The following ZDHHC14 variants were observed in gnomAD, a reference collection of about 807,000 sequenced individuals.
ZDHHC14 encodes the protein palmitoyltransferase ZDHHC14.
Under a neutral mutation model 47.7 loss-of-function variants are expected in ZDHHC14, and 16 were observed. The ratio of observed to expected loss-of-function variants is 0.34; its 90% CI spans 0.23 to 0.51. The LOEUF is 0.51. Ranked by LOEUF, ZDHHC14 falls within the 20% of genes least tolerant of loss-of-function variation. ZDHHC14 has a pLI of 0.97. For missense variants in ZDHHC14, 515 were observed against 662.5 expected (o/e 0.78, Z 2.44); for synonymous variants, 293 against 278.9 (o/e 1.05, Z -0.50).
chr6:157,417,120 G>T (rs139266370), intron 1 of ZDHHC14, among the ~76,000 whole-genome samples: 1 of 151,132 alleles, frequency 6.6e-6, no homozygotes, highest in East Asian at 1.9e-4. Context: ...GAGCCACCGC[G>T]CCTGGCTCAT....
At chr6:157,581,783 C>T (rs1210395994) in intron 2 of ZDHHC14, among the ~76,000 whole-genome samples, 1 of 152,072 alleles carries the variant, frequency 6.6e-6, no homozygotes, top group Non-Finnish European at 1.5e-5. Flanking sequence ...AGATTTTTCT[C>T]CATCACTTCA....
intron 1 of ZDHHC14, among the ~76,000 whole-genome samples, chr6:157,533,972 G>C (rs532592499): frequency 1.3e-5 from 2 of 152,280 alleles, no homozygotes; most frequent in African/African-American, 2.4e-5. Flanking sequence ...TGTGGTTAGG[G>C]AATATTATCT....
intron 2 of ZDHHC14, among the ~76,000 whole-genome samples, chr6:157,563,688 T>A (rs1206261028): frequency 6.6e-6 from 1 of 152,134 alleles, no homozygotes; most frequent in African/African-American, 2.4e-5. Context: ...CAGGACTAAG[T>A]GCGAACTAGG....
At chr6:157,610,958 C>T (rs1023962576) in intron 3 of ZDHHC14, among the ~76,000 whole-genome samples, 1 of 152,218 alleles carries the variant, frequency 6.6e-6, no homozygotes, top group Non-Finnish European at 1.5e-5. Flanking sequence ...CTGGAGACTT[C>T]TGTCAAATAT....
At chr6:157,514,519 G>A (rs758131218) in intron 1 of ZDHHC14, among the ~76,000 whole-genome samples, 5 of 152,206 alleles carry the variant, frequency 3.3e-5, no homozygotes, top group South Asian at 2.1e-4. Context: ...CTCTGATATC[G>A]CCAAGAAGTT....
intron 2 of ZDHHC14, among the ~76,000 whole-genome samples, chr6:157,545,349 A>G (rs1781928364): frequency 6.6e-6 from 1 of 151,934 alleles, no homozygotes; most frequent in Non-Finnish European, 1.5e-5. Context: ...CTGCTGTGGT[A>G]CATAAATTAT....
intron 3 of ZDHHC14, among the ~76,000 whole-genome samples, chr6:157,620,325 T>G (rs1443926857): frequency 6.6e-6 from 1 of 152,156 alleles, no homozygotes; most frequent in Non-Finnish European, 1.5e-5. Context: ...CATGAAGGCC[T>G]CACCCTGATG....
intron 2 of ZDHHC14, among the ~76,000 whole-genome samples, chr6:157,549,920 G>A (rs1012259562): frequency 9.8e-5 from 15 of 152,296 alleles, no homozygotes; most frequent in Middle Eastern, 3.4e-3. Context: ...ACATATTTCC[G>A]TGATTTTGAA....
intron 1 of ZDHHC14, among the ~76,000 whole-genome samples, chr6:157,542,108 G>A (rs891719332): frequency 5.9e-5 from 9 of 152,176 alleles, no homozygotes; most frequent in African/African-American, 1.4e-4. Flanking sequence ...TCAGCGTTTG[G>A]TGCTGGCTGA....
intron 7 of ZDHHC14, among the ~76,000 whole-genome samples, chr6:157,650,167 G>A (rs547373559): frequency 6.6e-6 from 1 of 152,378 alleles, no homozygotes; most frequent in East Asian, 1.9e-4. Flanking sequence ...GGCAGGCAGT[G>A]CACAGTGAGG....
At chr6:157,521,984 A>G (rs1780930563) in intron 1 of ZDHHC14, among the ~76,000 whole-genome samples, 2 of 151,850 alleles carry the variant, frequency 1.3e-5, no homozygotes, top group Admixed American at 1.3e-4. Flanking sequence ...CTCTTATCCA[A>G]ATAAACTGAA....
In ZDHHC14 at chr6:157,659,862, C is replaced by T. The variant is rs1325314331; in HGVS notation, c.1068+6235C>T. On this transcript the variant is annotated intron_variant, in intron 8 of 8. Coordinates refer to ENST00000359775, the MANE Select transcript of ZDHHC14 (RefSeq NM_024630.3). Reference sequence around the variant, plus strand: ...ATCCCCAATTAGACAGATGGGAAAACAAATACACAAATCCGTTAGTGCTGA... The same window carrying T: ...ATCCCCAATTAGACAGATGGGAAAATAAATACACAAATCCGTTAGTGCTGA... Among the ~76,000 whole-genome samples, 3 of 152,164 alleles carry T rather than the reference C, an allele frequency of 2.0e-5. No homozygotes were observed. In the East Asian group the frequency reaches 5.8e-4, roughly 29 times the overall value.
intron 1 of ZDHHC14, among the ~76,000 whole-genome samples, chr6:157,529,418 C>T (rs1781287100): frequency 6.6e-6 from 1 of 152,172 alleles, no homozygotes; most frequent in Non-Finnish European, 1.5e-5. Flanking sequence ...GCAGTCATCA[C>T]CATTTAGTGT....
intron 1 of ZDHHC14, among the ~76,000 whole-genome samples, chr6:157,424,836 C>T (rs982510108): frequency 6.6e-6 from 1 of 152,084 alleles, no homozygotes; most frequent in Non-Finnish European, 1.5e-5. Context: ...CCCTTCACTG[C>T]GTCCCCAACC....
chr6:157,557,719 A>G (rs1357639537), intron 2 of ZDHHC14, among the ~76,000 whole-genome samples: 1 of 152,124 alleles, frequency 6.6e-6, no homozygotes, highest in African/African-American at 2.4e-5. Flanking sequence ...CATTTCTGTA[A>G]CCACTGAGAG....
intron 1 of ZDHHC14, among the ~76,000 whole-genome samples, chr6:157,478,846 CCATTT>C (rs2114712764): frequency 6.6e-6 from 1 of 152,276 alleles, no homozygotes; most frequent in South Asian, 2.1e-4. Flanking sequence ...TGTTTCCATA[CCATTT>C]CATTTAAGAT....
At chr6:157,597,527 A>G (rs1052258899) in intron 3 of ZDHHC14, among the ~76,000 whole-genome samples, 1 of 152,394 alleles carries the variant, frequency 6.6e-6, no homozygotes, top group East Asian at 1.9e-4. Flanking sequence ...TTTGCTAGAC[A>G]GTAAGATGAA....
At chr6:157,408,092 T>A (rs1020233998) in intron 1 of ZDHHC14, among the ~76,000 whole-genome samples, 10 of 152,228 alleles carry the variant, frequency 6.6e-5, no homozygotes, top group Admixed American at 5.9e-4. Flanking sequence ...CAAGTTGTGA[T>A]AGGTGGGCTA....
intron 3 of ZDHHC14, among the ~76,000 whole-genome samples, chr6:157,615,426 C>CT (rs1007472452): frequency 4.6e-5 from 7 of 152,314 alleles, no homozygotes; most frequent in Admixed American, 1.3e-4. Flanking sequence ...CTCGTAAATA[C>CT]TTTATTTGTA....
Sources: allele counts gnomAD v4.1 joint callset (sites outside exome capture counted in the v4.1 genomes callset), GRCh38; gene constraint gnomAD v4.1.1; transcripts MANE v1.5; gene names NCBI Gene and HGNC (gene_info 2026-07-23, HGNC 2026-07-21).